TMEM38B: variants seen among roughly 807,000 people sequenced by gnomAD.
TMEM38B encodes the protein transmembrane protein 38B, also known as trimeric intracellular cation channel type B.
A neutral mutation model predicts 28.7 loss-of-function variants in TMEM38B; 24 were observed. That is an observed-to-expected ratio of 0.84 (90% CI 0.61 to 1.18). The LOEUF is 1.18. TMEM38B is among the 50% of genes most tolerant of loss of function. The pLI, the probability that TMEM38B is intolerant of heterozygous loss-of-function variation, is 0.00. For missense variants in TMEM38B, 380 were observed against 350.9 expected (o/e 1.08, Z -0.66); for synonymous variants, 131 against 127.7 (o/e 1.03, Z -0.17).
At chr9:105,753,345 A>G (rs1837726223) in intron 5 of TMEM38B, among the ~76,000 whole-genome samples, 1 of 152,118 alleles carries the variant, frequency 6.6e-6, no homozygotes, top group Non-Finnish European at 1.5e-5. Context: ...GAGAAGTTCA[A>G]CCCCAAGACA....
At chr9:105,764,587 A>G (rs1306870984) in intron 5 of TMEM38B, among the ~76,000 whole-genome samples, 1 of 152,086 alleles carries the variant, frequency 6.6e-6, no homozygotes, top group Non-Finnish European at 1.5e-5. Context: ...AAAAGAGGAT[A>G]CAAACAAATG....
At chr9:105,733,959 T>G (rs754718757) in intron 4 of TMEM38B, among the ~76,000 whole-genome samples, 10 of 152,112 alleles carry the variant, frequency 6.6e-5, no homozygotes, top group Admixed American at 1.3e-4. Context: ...TTTGATTTAT[T>G]TCTGTATTCT....
chr9:105,757,622 T>C (rs983915591), intron 5 of TMEM38B, among the ~76,000 whole-genome samples: 5 of 152,188 alleles, frequency 3.3e-5, no homozygotes, highest in Non-Finnish European at 5.9e-5. Flanking sequence ...GAAGTGTGGG[T>C]TATCTATTGG....
At chr9:105,758,182 C>T in intron 5 of TMEM38B, 1 of 638,030 alleles carries the variant, frequency 1.6e-6, no homozygotes, top group Non-Finnish European at 2.8e-6. Context: ...TTGGGGTGTG[C>T]CTCCCAGGCC....
At chr9:105,770,874 A>G (rs1826522673) in intron 5 of TMEM38B, among the ~76,000 whole-genome samples, 1 of 152,234 alleles carries the variant, frequency 6.6e-6, no homozygotes, top group Non-Finnish European at 1.5e-5. Flanking sequence ...ATATTTCAGT[A>G]TGCTTTGAAT....
At chr9:105,761,415 G>A (rs568325282) in intron 5 of TMEM38B, among the ~76,000 whole-genome samples, 2 of 152,146 alleles carry the variant, frequency 1.3e-5, no homozygotes, top group Non-Finnish European at 2.9e-5. Flanking sequence ...TTAGAAGATG[G>A]GGACGTAAAA....
At chr9:105,740,268 T>TG (rs1837151222) in intron 4 of TMEM38B, among the ~76,000 whole-genome samples, 1 of 150,872 alleles carries the variant, frequency 6.6e-6, no homozygotes, top group African/African-American at 2.4e-5. Context: ...GTGTTTTTTT[T>TG]TTTTTTTTTT....
chr9:105,718,358 C>T (rs933181094), intron 2 of TMEM38B, among the ~76,000 whole-genome samples: 1 of 152,034 alleles, frequency 6.6e-6, no homozygotes, highest in African/African-American at 2.4e-5. Flanking sequence ...CCTGCCTCAG[C>T]CTCCCAAGTA....
rs979604142 is a variant in TMEM38B, at chr9:105,694,570, G to C, written c.-91G>C. The C allele has an allele frequency of 3.3e-6, 3 of 910,382 alleles. No homozygotes were observed. The highest frequency in any genetic ancestry group is 3.5e-5 in the African/African-American group (2 of 56,516). 56.4% of individuals were successfully genotyped at this position (910,382 alleles called of 1,614,324 possible). On this transcript the variant is annotated 5_prime_UTR_variant, in exon 1 of 6. Coordinates refer to ENST00000374692, the MANE Select transcript of TMEM38B (RefSeq NM_018112.3). ...CTGGAGCCGGCGCGGAGGAGCGGGC[G>C]GCCGCGGCTGTGCCCTCTCCTACTC...
chr9:105,751,446 A>G (rs766839535), intron 5 of TMEM38B, among the ~76,000 whole-genome samples: 5 of 152,154 alleles, frequency 3.3e-5, no homozygotes, highest in Non-Finnish European at 5.9e-5. Flanking sequence ...AGCTGTGTGG[A>G]GTTTTGGCAG....
chr9:105,702,174 A>G (rs1835482335), intron 1 of TMEM38B, among the ~76,000 whole-genome samples: 1 of 152,262 alleles, frequency 6.6e-6, no homozygotes, highest in African/African-American at 2.4e-5. Flanking sequence ...AATAATTTTG[A>G]TGAAAAAGCA....
chr9:105,761,679 G>C (rs1838057752), intron 5 of TMEM38B, among the ~76,000 whole-genome samples: 1 of 152,146 alleles, frequency 6.6e-6, no homozygotes, highest in Non-Finnish European at 1.5e-5. Flanking sequence ...CTCTAAGCTA[G>C]TGGTTTTCAA....
At chr9:105,721,827 C>A in intron 3 of TMEM38B, 106 bp downstream of exon 3, 1 of 877,474 alleles carries the variant, frequency 1.1e-6, no homozygotes, top group Non-Finnish European at 1.6e-6. Context: ...ACTTTAATAA[C>A]AGAGACTTTT....
intron 4 of TMEM38B, among the ~76,000 whole-genome samples, chr9:105,745,679 T>C (rs1837362542): frequency 6.6e-6 from 1 of 152,210 alleles, no homozygotes; most frequent in Non-Finnish European, 1.5e-5. Flanking sequence ...ATGTCCTGAA[T>C]GGTATTGCCT....
intron 1 of TMEM38B, among the ~76,000 whole-genome samples, chr9:105,702,364 C>A (rs1210289348): frequency 6.6e-6 from 1 of 152,148 alleles, no homozygotes; most frequent in African/African-American, 2.4e-5. Context: ...GAAGTTATGT[C>A]AGCCACTAGC....
In TMEM38B at chr9:105,775,353, T is replaced by C. The variant is rs1334274590; in HGVS notation, c.*1273T>C. The C allele has an allele frequency of 6.6e-6, 1 of 152,128 alleles. No homozygotes were observed. The highest frequency in any genetic ancestry group is 1.5e-5 in the Non-Finnish European group (1 of 67,992). 9.4% of individuals were successfully genotyped at this position (152,128 alleles called of 1,614,324 possible). A position where few individuals can be genotyped will look rare whatever the true frequency, so the allele number is the denominator to read the frequency against. ...CTAAATGATGTTAATTTTCTTACTT[T>C]ATGATTTAGAAGTCCAGTTATAATA... On this transcript the variant is annotated 3_prime_UTR_variant, in exon 6 of 6. Transcript: ENST00000374692.
chr9:105,721,476 A>G (rs962414992), intron 2 of TMEM38B, 61 bp from the exon 3 acceptor site: 58 of 1,247,168 alleles, frequency 4.7e-5, no homozygotes, highest in African/African-American at 7.7e-5. Flanking sequence ...GTTAGGTTAG[A>G]TTTTAATTTC....
intron 3 of TMEM38B, among the ~76,000 whole-genome samples, 176 bp from the exon 4 acceptor site, chr9:105,722,358 A>G (rs1211618600): frequency 1.3e-5 from 2 of 152,190 alleles, no homozygotes; most frequent in Non-Finnish European, 2.9e-5. Flanking sequence ...GAAAGGGAAG[A>G]ATTGCAGTTG....
intron 5 of TMEM38B, among the ~76,000 whole-genome samples, chr9:105,763,663 C>G (rs1012920533): frequency 6.6e-6 from 1 of 152,214 alleles, no homozygotes; most frequent in African/African-American, 2.4e-5. Context: ...CAAGGAGCAA[C>G]TGGTACCATT....
Sources: gnomAD v4.1 joint callset for allele counts (sites outside exome capture counted in the v4.1 genomes callset) on GRCh38, gnomAD v4.1.1 for gene constraint, MANE v1.5 for transcripts, NCBI Gene and HGNC (gene_info 2026-07-23, HGNC 2026-07-21) for gene names.